TRAPPC3L: variants seen among roughly 807,000 people sequenced by gnomAD.
TRAPPC3L encodes the protein trafficking protein particle complex subunit 3-like protein.
Under a neutral mutation model 23.7 loss-of-function variants are expected in TRAPPC3L, and 23 were observed. The ratio of observed to expected loss-of-function variants is 0.97; its 90% CI spans 0.70 to 1.37. The LOEUF is 1.37. Ranked by LOEUF, TRAPPC3L falls within the 40% of genes most tolerant of loss-of-function variation. The probability of loss-of-function intolerance (pLI) is 0.00; values close to 1 mark genes in which losing one functional copy is unlikely to be tolerated. For missense variants in TRAPPC3L, 212 were observed against 216.8 expected (o/e 0.98, Z 0.14); for synonymous variants, 81 against 77.9 (o/e 1.04, Z -0.21).
intron 4 of TRAPPC3L, among the ~76,000 whole-genome samples, chr6:116,499,049 C>T (rs1771873621): frequency 1.3e-5 from 2 of 152,296 alleles, no homozygotes; most frequent in Middle Eastern, 3.4e-3. Flanking sequence ...TGTTAAACAC[C>T]TCAACTCCAG....
intron 2 of TRAPPC3L, among the ~76,000 whole-genome samples, chr6:116,540,798 A>G (rs1773402620): frequency 6.6e-6 from 1 of 152,174 alleles, no homozygotes; most frequent in East Asian, 1.9e-4. Flanking sequence ...TTTTCTCATC[A>G]TTAGCTATTG....
At chr6:116,505,215 A>G (rs1331357936) in intron 3 of TRAPPC3L, among the ~76,000 whole-genome samples, 1 of 152,228 alleles carries the variant, frequency 6.6e-6, no homozygotes, top group East Asian at 1.9e-4. Flanking sequence ...GCATTCTTAC[A>G]CACCAATAAC....
intron 3 of TRAPPC3L, among the ~76,000 whole-genome samples, chr6:116,510,125 G>T (rs897182844): frequency 7.2e-5 from 11 of 152,146 alleles, no homozygotes; most frequent in African/African-American, 2.7e-4. Flanking sequence ...ACCACAATGA[G>T]ATACCACCTT....
At chr6:116,541,748 C>T (rs185699125) in intron 2 of TRAPPC3L, among the ~76,000 whole-genome samples, 5 of 152,262 alleles carry the variant, frequency 3.3e-5, no homozygotes, top group Admixed American at 3.3e-4. Context: ...TTTTCTAATT[C>T]TCACTTTGCA....
chr6:116,504,753 C>T lies in TRAPPC3L; in HGVS notation c.241-4087G>A, dbSNP rs963126744. 2.0e-5 allele frequency among the ~76,000 whole-genome samples: 3 copies of T among 152,112 alleles called. No homozygotes were observed. The South Asian group carries it at 6.2e-4, about 32-fold the overall frequency. On this transcript the variant is annotated intron_variant, in intron 3 of 4. Coordinates refer to ENST00000368602, the MANE Select transcript of TRAPPC3L (RefSeq NM_001139444.3). ...TATGCAATCCATCACATAAACAGAA[C>T]CAAAGACAAAAGCCACATGATTATC...
At chr6:116,500,782 A>G in intron 3 of TRAPPC3L, 116 bp from the exon 4 acceptor site, 3 of 873,026 alleles carry the variant, frequency 3.4e-6, no homozygotes, top group South Asian at 3.2e-5. Context: ...CATGGAGTCT[A>G]TAGTCAGGAA....
At chr6:116,516,718 C>G (rs1419329836) in intron 3 of TRAPPC3L, 2 of 127,672 alleles carry the variant, frequency 1.6e-5, no homozygotes, top group Admixed American at 8.0e-5. Flanking sequence ...TACACACACA[C>G]AGAAATATAT....
At chr6:116,507,841 T>A (rs889080999) in intron 3 of TRAPPC3L, among the ~76,000 whole-genome samples, 1 of 152,232 alleles carries the variant, frequency 6.6e-6, no homozygotes, top group Non-Finnish European at 1.5e-5. Context: ...AATTTTACAA[T>A]GTGGAAATGG....
chr6:116,504,608 T>A (rs1771972866), intron 3 of TRAPPC3L, among the ~76,000 whole-genome samples: 3 of 152,178 alleles, frequency 2.0e-5, no homozygotes, highest in South Asian at 2.1e-4. Context: ...ATATCCCTGA[T>A]GAACATTAAT....
At position 116,503,963 on chromosome 6, in the gene TRAPPC3L, C is replaced by T. The variant is rs557194227; in HGVS notation, c.241-3297G>A. On this transcript the variant is annotated intron_variant, in intron 3 of 4. Coordinates refer to ENST00000368602, the MANE Select transcript of TRAPPC3L (RefSeq NM_001139444.3). ...CACCCTAACATCACAATTCAAAGAA[C>T]TAGAGAAGCAAGAGCAAAGAAACTC... Among the ~76,000 whole-genome samples the T allele has an allele frequency of 3.3e-5, 5 of 152,212 alleles. No homozygotes were observed. The South Asian group carries it at 1.0e-3, about 32-fold the overall frequency.
At chr6:116,527,344 C>T (rs930811073) in intron 3 of TRAPPC3L, among the ~76,000 whole-genome samples, 13 of 151,880 alleles carry the variant, frequency 8.6e-5, no homozygotes, top group African/African-American at 3.1e-4. Context: ...GCTGAAACCC[C>T]GTCTCTACTA....
rs1440020169 is a variant in TRAPPC3L, at chr6:116,495,962, T to C, written c.*992A>G. ...GTGTCAGATACATAGTTTACAAATA[T>C]TTTCTCCAATTCCGTAGGGTGGTAT... On this transcript the variant is annotated 3_prime_UTR_variant, in exon 5 of 5. Transcript: ENST00000368602. 6.6e-6 allele frequency: 1 copy of C among 152,216 alleles called. No individual in the cohort carries two copies. Among genetic ancestry groups the C allele is most frequent in the Non-Finnish European group, 1.5e-5 (1 of 68,042 alleles). 9.4% of individuals were successfully genotyped at this position (152,216 alleles called of 1,614,324 possible).
intron 3 of TRAPPC3L, among the ~76,000 whole-genome samples, chr6:116,530,376 CAG>C (rs1252368239): frequency 3.3e-5 from 5 of 152,022 alleles, no homozygotes; most frequent in Non-Finnish European, 7.4e-5. Context: ...AGAAAACACA[CAG>C]AATGTCAAGA....
At chr6:116,501,970 C>T (rs1771922827) in intron 3 of TRAPPC3L, among the ~76,000 whole-genome samples, 1 of 152,180 alleles carries the variant, frequency 6.6e-6, no homozygotes, top group Non-Finnish European at 1.5e-5. Context: ...CTCTTCTCCT[C>T]CAAAAGAACA....
chr6:116,520,450 A>C (rs1772311754), intron 3 of TRAPPC3L: 1 of 152,098 alleles, frequency 6.6e-6, no homozygotes, highest in Non-Finnish European at 1.5e-5. Flanking sequence ...GACTTCTCTG[A>C]TTTTAGATCC....
At chr6:116,530,898 G>T (rs1323892321) in intron 3 of TRAPPC3L, among the ~76,000 whole-genome samples, 1 of 110,404 alleles carries the variant, frequency 9.1e-6, no homozygotes, top group Non-Finnish European at 1.8e-5. Context: ...GATAAAGTGA[G>T]ACTCATATAT....
intron 3 of TRAPPC3L, chr6:116,517,966 G>C (rs1772260139): frequency 1.3e-5 from 2 of 152,252 alleles, no homozygotes. Context: ...CATGAGGAGT[G>C]GTGAGCCCAA....
chr6:116,506,664 C>G (rs1462738231), intron 3 of TRAPPC3L, among the ~76,000 whole-genome samples: 1 of 152,152 alleles, frequency 6.6e-6, no homozygotes, highest in Admixed American at 6.5e-5. Context: ...CACATATACA[C>G]CAGGGAATAC....
At chr6:116,511,201 T>C (rs1425876445) in intron 3 of TRAPPC3L, among the ~76,000 whole-genome samples, 4 of 147,636 alleles carry the variant, frequency 2.7e-5, no homozygotes, top group African/African-American at 9.9e-5. Context: ...TATATATATA[T>C]AATTTTCATA....
Sources: allele counts gnomAD v4.1 joint callset (sites outside exome capture counted in the v4.1 genomes callset), GRCh38; gene constraint gnomAD v4.1.1; transcripts MANE v1.5; gene names NCBI Gene and HGNC (gene_info 2026-07-23, HGNC 2026-07-21).